The following WDR90 variants were observed in gnomAD, a reference collection of about 807,000 sequenced individuals.
The protein encoded by WDR90 is WD repeat-containing protein 90.
In WDR90, 238 loss-of-function variants were observed where a neutral mutation model predicts 195.2. The ratio of observed to expected loss-of-function variants is 1.22; its 90% CI spans 1.10 to 1.36. The LOEUF (loss-of-function observed/expected upper bound fraction) is 1.36. Ranked by LOEUF, WDR90 falls within the 40% of genes most tolerant of loss-of-function variation. The pLI is 0.00. For missense variants in WDR90, 2,734 were observed against 2,439.5 expected (o/e 1.12, Z -2.54); for synonymous variants, 1,265 against 1,052.4 (o/e 1.20, Z -3.91).
Position 658,330 on chromosome 16 carries a change from C to A in WDR90, c.2752C>A (p.Arg918Ser). ...CGTGGTGCTGGATGCTGTGTCGGGC[C>A]GCATCATCCGGGAGGTGAGCCTCAG... The part of the protein sequence containing the change: ...RVVVLDAVSG[R>S]IIRELPGVHP... Residue 918 changes from arginine to serine, a missense_variant, in exon 22 of 41, where the codon CGC becomes AGC. Physicochemically the swap from Arg to Ser is moderately radical, Grantham distance 110. Transcript: ENST00000293879. 2 of 1,612,390 alleles carry A rather than the reference C, an allele frequency of 1.2e-6. No homozygotes were observed. Among genetic ancestry groups the A allele is most frequent in the Non-Finnish European group, 1.7e-6 (2 of 1,179,798 alleles).
Position 653,770 on chromosome 16 carries a change from C to G in WDR90, c.1404C>G (p.Leu468=). ...GCTTCTCTGACAGCGGGGCCCTTCT[C>G]TGCGGGGTTGGCAAGGACCACCACG... The part of the protein sequence containing the change: ...SLSFSDSGAL[L]CGVGKDHHGR... Residue 468 remains leucine (L), a synonymous_variant, in exon 13 of 41, where the codon CTC becomes CTG. Coordinates refer to ENST00000293879, the MANE Select transcript of WDR90 (RefSeq NM_145294.5). 1 of 1,613,276 alleles carries G rather than the reference C, an allele frequency of 6.2e-7. No individual in the cohort carries two copies. Among genetic ancestry groups the G allele is most frequent in the Non-Finnish European group, 8.5e-7 (1 of 1,179,986 alleles).
intron 34 of WDR90, chr16:665,406 G>C (rs572101542): frequency 3.4e-6 from 2 of 592,084 alleles, no homozygotes; most frequent in African/African-American, 3.7e-5. Context: ...CCACGCTCCT[G>C]TCTTTGAGGT....
chr16:659,457 C>T (rs2037844233), intron 26 of WDR90, 81 bp downstream of exon 26: 2 of 1,526,870 alleles, frequency 1.3e-6, no homozygotes, highest in African/African-American at 1.4e-5. Context: ...GGTACTCACG[C>T]ACGTCCAGCT....
chr16:664,641 C>G (rs1596470365), intron 34 of WDR90, among the ~76,000 whole-genome samples: 2 of 152,028 alleles, frequency 1.3e-5, no homozygotes, highest in East Asian at 3.9e-4. Context: ...CTGAGCTGTC[C>G]TGGTCTGAGT....
At position 655,730 on chromosome 16, in the gene WDR90, G is replaced by C. The variant is rs541953722; in HGVS notation, c.1849+27G>C. The C allele has an allele frequency of 5.7e-6, 9 of 1,583,026 alleles. No homozygotes were observed. The East Asian group carries it at 9.1e-5, about 16-fold the overall frequency. On this transcript the variant is annotated intron_variant, in intron 16 of 40. Coordinates refer to ENST00000293879, the MANE Select transcript of WDR90 (RefSeq NM_145294.5). ...TAAGAGGGCGCCCACCACGTGGCCA[G>C]GGTGGCAGGGACACCGAGGCACTGA...
At position 655,374 on chromosome 16, in the gene WDR90, C is replaced by A. The variant is rs1442674795; in HGVS notation, c.1624C>A (p.Pro542Thr). The stretch of plus-strand genomic sequence containing the variant: ...GCGTGGCGGGGTGCTGCGTTCCTGC[C>A]CCGTGGACTTAGGGGAGCACCACGC... ...RLRGGVLRSC[P>T]VDLGEHHALQ... is the part of the protein sequence containing the mutation. Residue 542 changes from proline (P) to threonine (T), a missense_variant, in exon 15 of 41, where the codon CCC (proline) becomes ACC (threonine). Transcript: ENST00000293879. The A allele has an allele frequency of 1.2e-6, 2 of 1,600,606 alleles. No individual in the cohort carries two copies. The highest frequency in any genetic ancestry group is 3.3e-5 in the Admixed American group (2 of 59,776).
chr16:654,933 G>A, intron 13 of WDR90, 96 bp from the exon 14 acceptor site: 1 of 1,264,908 alleles, frequency 7.9e-7, no homozygotes, highest in Non-Finnish European at 1.1e-6. Context: ...CCGCATGAGA[G>A]AAAAGCCACC....
At chr16:662,919 A>C in intron 34 of WDR90, 75 bp downstream of exon 34, 2 of 1,525,538 alleles carry the variant, frequency 1.3e-6, no homozygotes, top group South Asian at 1.2e-5. Flanking sequence ...CTCCATCTCC[A>C]CCAGCCCAGA....
In WDR90 at chr16:656,422, C is replaced by G; in HGVS notation, c.2087C>G (p.Ala696Gly). The G allele has an allele frequency of 1.2e-6, 2 of 1,605,134 alleles. No individual in the cohort carries two copies. The highest frequency in any genetic ancestry group is 1.7e-6 in the Non-Finnish European group (2 of 1,178,232). ...CTGTCCCGGGTGTACCACATGCTGGCTCGCTCCCACACCGCCCCGGTGTTG... is the reference window on the plus strand; with the variant it reads ...CTGTCCCGGGTGTACCACATGCTGGGTCGCTCCCACACCGCCCCGGTGTTG... ...DTLSRVYHML[A>G]RSHTAPVLAL... The change falls in exon 18 of 41, where the codon GCT becomes GGT. Residue 696 changes from alanine (A) to glycine (G), a missense_variant. Ala to Gly is a moderately conservative substitution (Grantham distance 60). Transcript: ENST00000293879.
intron 2 of WDR90, 36 bp from the exon 3 acceptor site, chr16:649,955 G>C (rs1319302290): frequency 3.1e-6 from 5 of 1,609,654 alleles, no homozygotes; most frequent in Non-Finnish European, 4.2e-6. Flanking sequence ...CACTTCTTCT[G>C]GGTGCTGTCG....
Position 659,240 on chromosome 16 carries a change from C to T in WDR90, c.3053-5C>T. ...CCAAACATCACAGGGCTGCTTCTTC[C>T]CCAGGCCCGGGCGCAGGACCGCTGG... On this transcript the variant is annotated splice_polypyrimidine_tract_variant and splice_region_variant and intron_variant, in intron 25 of 40. Coordinates refer to ENST00000293879, the MANE Select transcript of WDR90 (RefSeq NM_145294.5). 1 of 1,611,736 alleles carries T rather than the reference C, an allele frequency of 6.2e-7. No individual in the cohort carries two copies. Among genetic ancestry groups the T allele is most frequent in the Non-Finnish European group, 8.5e-7 (1 of 1,179,574 alleles).
In WDR90 at chr16:651,945, T is replaced by C; in HGVS notation, c.959T>C (p.Leu320Pro). Residue 320 changes from leucine (L) to proline (P), a missense_variant, in exon 9 of 41, where the codon CTG becomes CCG. Leu to Pro is a moderately conservative substitution (Grantham distance 98). Coordinates refer to ENST00000293879, the MANE Select transcript of WDR90 (RefSeq NM_145294.5). ...CATAGCCTTGAGCCCTGGGCCCAGCTGGAGGCCTCTGACATCCACACGGCT... is the reference window on the plus strand; with the variant it reads ...CATAGCCTTGAGCCCTGGGCCCAGCCGGAGGCCTCTGACATCCACACGGCT... ...GFHSLEPWAQLEASDIHTAAA... is the reference protein window; with the variant it reads ...GFHSLEPWAQPEASDIHTAAA... The C allele has an allele frequency of 3.1e-6, 5 of 1,608,604 alleles. No homozygotes were observed. Among genetic ancestry groups the C allele is most frequent in the Non-Finnish European group, 4.2e-6 (5 of 1,178,454 alleles).
intron 17 of WDR90, 46 bp from the exon 18 acceptor site, chr16:656,256 C>T (rs767532482): frequency 6.4e-7 from 1 of 1,552,312 alleles, no homozygotes; most frequent in Non-Finnish European, 8.8e-7. Context: ...GCATGCGGCT[C>T]ACCCCGGGGT....
At position 667,555 on chromosome 16, in the gene WDR90, A is replaced by G. The variant is rs767070647; in HGVS notation, c.5213A>G (p.Asn1738Ser). The G allele has an allele frequency of 1.2e-6, 2 of 1,610,972 alleles. No individual in the cohort carries two copies. The highest frequency in any genetic ancestry group is 1.1e-5 in the South Asian group (1 of 91,076). The change falls in exon 41 of 41, where the codon AAC becomes AGC. Residue 1738 changes from asparagine (N) to serine (S), a missense_variant. Coordinates refer to ENST00000293879, the MANE Select transcript of WDR90 (RefSeq NM_145294.5). ...AGGCTGCTCTTCACGGCCGCCCGCA[A>G]CGAGATCCTTGTGTGGGAGGTCCCC... ...SARLLFTAAR[N>S]EILVWEVPGL
Position 661,412 on chromosome 16 carries a change from G to T in WDR90, c.3584G>T (p.Gly1195Val), listed in dbSNP as rs1176939501. 8 of 1,612,070 alleles carry T rather than the reference G, an allele frequency of 5.0e-6. No homozygotes were observed. Among genetic ancestry groups the T allele is most frequent in the Admixed American group, 1.7e-5 (1 of 59,968 alleles). The change falls in exon 30 of 41, where the codon GGC becomes GTC. Residue 1195 changes from glycine (G) to valine (V), a missense_variant. Physicochemically the swap from Gly to Val is moderately radical, Grantham distance 109. Coordinates refer to ENST00000293879, the MANE Select transcript of WDR90 (RefSeq NM_145294.5). ...CAGATCCGCGTCTGGGACGTGTCTG[G>T]CGGCCTCTGCCAGCATCTCATTTTC... Reference protein sequence around the residue: ...HCQIRVWDVSGGLCQHLIFPH... With the variant: ...HCQIRVWDVSVGLCQHLIFPH...
At chr16:667,070 G>A in intron 40 of WDR90, 81 bp downstream of exon 40, 1 of 1,419,866 alleles carries the variant, frequency 7.0e-7, no homozygotes, top group Non-Finnish European at 9.7e-7. Context: ...CAAGACAGGT[G>A]CCTCACCTGT....
intron 33 of WDR90, 124 bp downstream of exon 33, chr16:662,455 C>T (rs1471072711): frequency 7.6e-7 from 1 of 1,317,490 alleles, no homozygotes; most frequent in Admixed American, 2.1e-5. Flanking sequence ...CTAGCCCCTC[C>T]AAGGGACAGG....
intron 34 of WDR90, among the ~76,000 whole-genome samples, chr16:664,546 CTGTG>C (rs1468308090): frequency 6.6e-6 from 1 of 152,202 alleles, no homozygotes; most frequent in African/African-American, 2.4e-5. Context: ...TGGGCCCCGC[CTGTG>C]TGGTTCTGCC....
intron 33 of WDR90, 34 bp downstream of exon 33, chr16:662,365 C>T (rs558195297): frequency 1.2e-5 from 18 of 1,542,006 alleles, no homozygotes; most frequent in African/African-American, 5.5e-5. Context: ...TTTGGCTGCA[C>T]GTGGGTGTTG....
Sources: gnomAD v4.1 joint callset for allele counts (sites outside exome capture counted in the v4.1 genomes callset) on GRCh38, gnomAD v4.1.1 for gene constraint, MANE v1.5 for transcripts, NCBI Gene and HGNC (gene_info 2026-07-23, HGNC 2026-07-21) for gene names.